Variants in ATM observed in about 807,000 individuals in gnomAD.
The protein encoded by ATM is ATM serine/threonine kinase, also known as serine-protein kinase ATM.
ATM carries 308 observed loss-of-function variants against 387.0 expected under a neutral mutation model. The ratio of observed to expected loss-of-function variants is 0.80; its 90% CI spans 0.73 to 0.87. ATM has a LOEUF of 0.87. ATM is among the 40% of genes least tolerant of loss of function. The pLI, the probability that ATM is intolerant of heterozygous loss-of-function variation, is 0.00. For synonymous variants in ATM, 1,156 were observed against 1,187.3 expected (o/e 0.97, Z 0.54); for missense variants, 3,312 against 3,560.9 (o/e 0.93, Z 1.78).
At position 108,335,021 on chromosome 11, in the gene ATM, C is replaced by T. The variant is rs2086677054; in HGVS notation, c.8063C>T (p.Ala2688Val). 1.2e-6 allele frequency: 2 copies of T among 1,613,868 alleles called. No individual in the cohort carries two copies. Among genetic ancestry groups the T allele is most frequent in the South Asian group, 1.1e-5 (1 of 91,080 alleles). Residue 2688 changes from alanine to valine, a missense_variant, in exon 55 of 63, where the codon GCA becomes GTA. Transcript: ENST00000675843. ...CTGGTGACTATACAGTCATTTAAAG[C>T]AGAATTTCGCTTAGCAGGAGGTGTA... Reference protein sequence around the residue: ...GNLVTIQSFKAEFRLAGGVNL... With the variant: ...GNLVTIQSFKVEFRLAGGVNL...
intron 52 of ATM, 134 bp from the exon 53 acceptor site, chr11:108,332,627 TG>T (rs2086384320): frequency 1.0e-6 from 1 of 961,282 alleles, no homozygotes; most frequent in African/African-American, 1.6e-5. Flanking sequence ...CTGTTTTGTT[TG>T]TATCTGAGGA....
chr11:108,340,104 G>A (rs547083022), intron 56 of ATM: 2 of 152,290 alleles, frequency 1.3e-5, no homozygotes, highest in African/African-American at 4.8e-5. Context: ...TGTATTGTTA[G>A]AGATGGTACC....
At chr11:108,266,477 G>A (rs1260268759) in intron 16 of ATM, among the ~76,000 whole-genome samples, 4 of 128,202 alleles carry the variant, frequency 3.1e-5, no homozygotes, top group South Asian at 5.1e-4. Context: ...ACACTCTGTG[G>A]ACTGTTGTGG....
intron 53 of ATM, 152 bp downstream of exon 53, chr11:108,333,052 G>T: frequency 1.1e-6 from 1 of 938,824 alleles, no homozygotes; most frequent in Non-Finnish European, 1.6e-6. Flanking sequence ...GCATTCCCTG[G>T]TTACTTTTTC....
At chr11:108,252,167 T>G in intron 11 of ATM, 136 bp downstream of exon 11, 1 of 786,224 alleles carries the variant, frequency 1.3e-6, no homozygotes, top group Non-Finnish European at 2.0e-6. Flanking sequence ...TTATTAAATA[T>G]TATGTTTGTT....
intron 30 of ATM, 47 bp from the exon 31 acceptor site, chr11:108,293,266 A>G (rs1463262151): frequency 8.2e-7 from 1 of 1,225,736 alleles, no homozygotes. Context: ...GGCTTACTTT[A>G]AAATTATTTC....
chr11:108,318,379 T>TA (rs1170845124), intron 43 of ATM, among the ~76,000 whole-genome samples: 2 of 147,732 alleles, frequency 1.4e-5, no homozygotes, highest in Middle Eastern at 3.8e-3. Context: ...ATAAATAAAA[T>TA]AAAAAAAATA....
Position 108,365,584 on chromosome 11 carries a change from T to A in ATM, c.*76T>A, listed in dbSNP as rs2137938421. On this transcript the variant is annotated 3_prime_UTR_variant, in exon 63 of 63. Transcript: ENST00000675843. ...AGCCTTTATTTTTAACCTGCCAACA[T>A]ACTTTAAGTAGGGATTAATATTTAA... 6.7e-7 allele frequency: 1 copy of A among 1,493,764 alleles called. No homozygotes were observed. The highest frequency in any genetic ancestry group is 9.1e-7 in the Non-Finnish European group (1 of 1,096,362). 92.5% of individuals were successfully genotyped at this position (1,493,764 alleles called of 1,614,324 possible).
Position 108,268,572 on chromosome 11 carries a change from G to T in ATM, c.2801G>T (p.Ser934Ile), listed in dbSNP as rs1555083387. The change falls in exon 18 of 63, where the codon AGC becomes ATC. Residue 934 changes from serine (S) to isoleucine (I), a missense_variant. Ser to Ile is a moderately radical substitution (Grantham distance 142, BLOSUM62 -2). Transcript: ENST00000675843. The stretch of plus-strand genomic sequence containing the variant: ...AAATTGTTAATGTTAATTGATTCTA[G>T]CACGCTAGAACCTACCAAATCCCTC... ...RRKLLMLIDS[S>I]TLEPTKSLHL... 1 of 1,614,020 alleles carries T rather than the reference G, an allele frequency of 6.2e-7. No homozygotes were observed. The highest frequency in any genetic ancestry group is 1.1e-5 in the South Asian group (1 of 91,076).
intron 43 of ATM, among the ~76,000 whole-genome samples, 172 bp downstream of exon 43, chr11:108,317,693 A>C (rs2084864592): frequency 7.0e-6 from 1 of 143,130 alleles, no homozygotes; most frequent in African/African-American, 2.6e-5. Context: ...TATACATACC[A>C]TATATATAGT....
intron 14 of ATM, among the ~76,000 whole-genome samples, chr11:108,256,657 TC>T (rs1329567277): frequency 2.6e-5 from 4 of 152,170 alleles, no homozygotes; most frequent in African/African-American, 9.7e-5. Flanking sequence ...CCTAATGTTA[TC>T]CCTCCCCTAG....
Position 108,289,762 on chromosome 11 carries a change from G to C in ATM, c.4397G>C (p.Arg1466Pro), listed in dbSNP as rs749770110. The change falls in exon 29 of 63, where the codon CGA (arginine) becomes CCA (proline). Residue 1466 changes from arginine (R) to proline (P), a missense_variant. Physicochemically the swap from Arg to Pro is moderately radical, Grantham distance 103. Around this residue, in one of 4 missense-constraint regions of ATM, gnomAD observed 1,791 missense variants for 1,804.5 expected, o/e 0.99. Coordinates refer to ENST00000675843, the MANE Select transcript of ATM (RefSeq NM_000051.4). ...GGAGGAGCTTGGGCCTTTGTTCTTCGAGACGTTATTTATACTTTGATTCAC... is the reference window on the plus strand; with the variant it reads ...GGAGGAGCTTGGGCCTTTGTTCTTCCAGACGTTATTTATACTTTGATTCAC... ...GLGGAWAFVL[R>P]DVIYTLIHYI... The C allele has an allele frequency of 1.9e-6, 3 of 1,613,390 alleles. No individual in the cohort carries two copies. The highest frequency in any genetic ancestry group is 2.2e-5 in the East Asian group (1 of 44,844).
chr11:108,276,919 A>G (rs1011413156), intron 22 of ATM, among the ~76,000 whole-genome samples: 8 of 152,296 alleles, frequency 5.3e-5, no homozygotes, highest in East Asian at 3.9e-4. Flanking sequence ...TATTCTCTTC[A>G]GAGCTGGCAG....
chr11:108,301,464 C>G (rs1368075874), intron 34 of ATM, among the ~76,000 whole-genome samples, 184 bp from the exon 35 acceptor site: 1 of 152,118 alleles, frequency 6.6e-6, no homozygotes, highest in Admixed American at 6.6e-5. Flanking sequence ...ATTAGTAATT[C>G]AAGTTTACTG....
intron 18 of ATM, 131 bp downstream of exon 18, chr11:108,268,740 G>A: frequency 1.0e-6 from 1 of 999,690 alleles, no homozygotes; most frequent in Non-Finnish European, 1.5e-6. Context: ...ATGAACCTGA[G>A]ACTAGTTGGA....
At chr11:108,320,933 A>G (rs557197598) in intron 44 of ATM, among the ~76,000 whole-genome samples, 8 of 152,246 alleles carry the variant, frequency 5.3e-5, no homozygotes, top group Non-Finnish European at 1.0e-4. Flanking sequence ...GAGAAAAGAA[A>G]ATGTTATTGA....
intron 22 of ATM, among the ~76,000 whole-genome samples, chr11:108,276,213 T>C (rs2081941214): frequency 6.6e-6 from 1 of 152,234 alleles, no homozygotes; most frequent in African/African-American, 2.4e-5. Flanking sequence ...CTCCATCAGG[T>C]CATTTATGTT....
intron 38 of ATM, 75 bp downstream of exon 38, chr11:108,308,059 T>C (rs1006208772): frequency 9.6e-5 from 133 of 1,378,430 alleles, no homozygotes; most frequent in Non-Finnish European, 7.5e-5. Context: ...AATTTTAACA[T>C]GATTATTTTA....
rs148432863 is a variant in ATM at position 108,327,657 on chromosome 11, C to G, written c.6988C>G (p.Leu2330Val). The stretch of plus-strand genomic sequence containing the variant: ...CTTTCTTATACAGAACAATCCCAGC[C>G]TAAAACTTACATACACAGAATGTCT... ...DASCAANNPS[L>V]KLTYTECLRV... The change falls in exon 48 of 63, where the codon CTA (leucine) becomes GTA (valine). Residue 2330 changes from leucine to valine, a missense_variant. Physicochemically the swap from Leu to Val is conservative, Grantham distance 32. Coordinates refer to ENST00000675843, the MANE Select transcript of ATM (RefSeq NM_000051.4). The G allele has an allele frequency of 1.4e-4, 229 of 1,613,796 alleles. No homozygotes were observed. The African/African-American group carries it at 2.5e-3, about 18-fold the overall frequency.
Sources: gnomAD v4.1 joint callset for allele counts (sites outside exome capture counted in the v4.1 genomes callset) on GRCh38, gnomAD v4.1.1 for gene constraint, gnomAD v4.1.1 regional missense constraint, MANE v1.5 for transcripts, NCBI Gene and HGNC (gene_info 2026-07-23, HGNC 2026-07-21) for gene names.